The following FRY variants were observed in gnomAD, a reference collection of about 807,000 sequenced individuals.
FRY encodes protein furry homolog.
In FRY, 128 loss-of-function variants were observed where a neutral mutation model predicts 348.4. The ratio of observed to expected loss-of-function variants is 0.37; its 90% CI spans 0.32 to 0.43. The LOEUF (loss-of-function observed/expected upper bound fraction) is 0.43, where lower values mean the gene tolerates loss of function less well. Among genes scored for constraint, FRY ranks in the 20% least tolerant of loss-of-function variants. FRY has a pLI of 1.00. For missense variants in FRY, 2,736 were observed against 3,695.2 expected, an observed-to-expected ratio of 0.74 and a Z score of 6.73; for synonymous variants, 1,370 against 1,374.7, an observed-to-expected ratio of 1.00 and a Z score of 0.08.
chr13:32,202,357 T>A lies in FRY; in HGVS notation c.3848T>A (p.Ile1283Asn). 1.9e-6 allele frequency: 3 copies of A among 1,613,196 alleles called. No homozygotes were observed. The highest frequency in any genetic ancestry group is 2.5e-6 in the Non-Finnish European group (3 of 1,179,104). ...TTTTACTTTCCTACATCTTTATAGA[T>A]CCTTGAAGCAAAGCTTTTTGTATAC... Reference protein sequence around the residue: ...IYEISMQLMQILEAKLFVYSK... With the variant: ...IYEISMQLMQNLEAKLFVYSK... The change falls in exon 31 of 61, where the codon ATC (isoleucine) becomes AAC (asparagine). Residue 1283 changes from isoleucine to asparagine, a missense_variant and splice_region_variant. Around this residue, in one of 9 missense-constraint regions of FRY, gnomAD observed 794 missense variants for 977.0 expected, o/e 0.81. Coordinates refer to ENST00000542859, the MANE Select transcript of FRY (RefSeq NM_023037.3).
intron 31 of FRY, among the ~76,000 whole-genome samples, chr13:32,205,202 C>CAAAAAAAAAAAAAAAAAAAAAAA (rs35930899): frequency 1.3e-5 from 1 of 77,862 alleles, no homozygotes; most frequent in African/African-American, 5.0e-5. Context: ...GACTCTGTCT[C>CAAAAAAAAAAAAAAAAAAAAAAA]AAAAAAAAAA....
chr13:32,085,962 C>T (rs1212890916), intron 2 of FRY: 1 of 518,942 alleles, frequency 1.9e-6, no homozygotes. Flanking sequence ...AGACAACACC[C>T]CCAACGATCT....
intron 1 of FRY, among the ~76,000 whole-genome samples, chr13:32,075,509 A>C (rs1326953152): frequency 6.6e-6 from 1 of 152,168 alleles, no homozygotes; most frequent in Non-Finnish European, 1.5e-5. Context: ...TATCTTATGT[A>C]TAGATTAAGG....
chr13:32,290,207 T>A (rs546912967), intron 59 of FRY, among the ~76,000 whole-genome samples: 89 of 152,244 alleles, frequency 5.8e-4, no homozygotes, highest in African/African-American at 2.1e-3. Context: ...TTTAATATTT[T>A]AAAATATTTA....
chr13:32,098,774 G>A (rs1437499105), intron 2 of FRY, among the ~76,000 whole-genome samples: 1 of 152,046 alleles, frequency 6.6e-6, no homozygotes, highest in Non-Finnish European at 1.5e-5. Context: ...TGAACCCTCA[G>A]TCACTGTTGA....
At chr13:32,145,177 C>A (rs916944411) in intron 11 of FRY, among the ~76,000 whole-genome samples, 1 of 152,150 alleles carries the variant, frequency 6.6e-6, no homozygotes, top group Non-Finnish European at 1.5e-5. Flanking sequence ...ACTGACTAGT[C>A]TTGTATGCCA....
Position 32,239,970 on chromosome 13 carries a change from C to A in FRY, c.6687+89C>A. ...TCTTGGGCTCAAGCAGTCCTCCTGC[C>A]TTCGCCTCCCAGAGTGCTAGGATTA... On this transcript the variant is annotated intron_variant, in intron 46 of 60. Transcript: ENST00000542859. This position sits in a 1 kb window ranked among gnomAD's most constrained non-coding sequence, Gnocchi z 4.3. 9.0e-7 allele frequency: 1 copy of A among 1,106,370 alleles called. No homozygotes were observed. The highest frequency in any genetic ancestry group is 1.3e-6 in the Non-Finnish European group (1 of 750,866). 68.5% of individuals were successfully genotyped at this position (1,106,370 alleles called of 1,614,324 possible).
chr13:32,179,879 C>G, intron 23 of FRY, 80 bp downstream of exon 23: 1 of 1,409,100 alleles, frequency 7.1e-7, no homozygotes, highest in Non-Finnish European at 1.0e-6. Context: ...AGATTTGAGT[C>G]TGTGTGTTGG....
At chr13:32,218,677 CAAA>C (rs10717683) in intron 35 of FRY, 69 bp from the exon 36 acceptor site, 17,180 of 552,980 alleles carry the variant, frequency 0.031, 1 homozygote, top group East Asian at 0.05. Flanking sequence ...GACTCCAACT[CAAA>C]AAAAAAAAAA....
chr13:32,274,706 A>C lies in FRY; in HGVS notation c.8137-136A>C, dbSNP rs1048600938. 109 of 129,114 alleles carry C rather than the reference A, an allele frequency of 8.4e-4. 2 individuals are homozygous for C. The highest frequency in any genetic ancestry group is 2.4e-3 in the African/African-American group (65 of 26,816). The allele number at this position is 129,114 out of a possible 1,614,324, so 8.0% of individuals were successfully genotyped here. A position where few individuals can be genotyped will look rare whatever the true frequency, so the allele number is the denominator to read the frequency against. On this transcript the variant is annotated intron_variant, in intron 55 of 60. Coordinates refer to ENST00000542859, the MANE Select transcript of FRY (RefSeq NM_023037.3). Reference sequence around the variant, plus strand: ...GCGACAGAGCGAGATTCTGTCTCAAAAAAAAAAAAAAAAAAAAAAAAAATC... The same window carrying C: ...GCGACAGAGCGAGATTCTGTCTCAACAAAAAAAAAAAAAAAAAAAAAAATC...
chr13:32,256,114 T>C (rs1341995107), intron 51 of FRY, among the ~76,000 whole-genome samples: 3 of 152,312 alleles, frequency 2.0e-5, no homozygotes. Flanking sequence ...ATAAATATTA[T>C]ACTAATGTTT....
intron 2 of FRY, among the ~76,000 whole-genome samples, chr13:32,096,701 G>A (rs980792086): frequency 6.0e-5 from 9 of 150,954 alleles, no homozygotes; most frequent in African/African-American, 2.2e-4. Flanking sequence ...TGAGGCTGAG[G>A]CTGAGGCAGG....
At chr13:32,268,918 C>A (rs915943051) in intron 55 of FRY, among the ~76,000 whole-genome samples, 3 of 152,126 alleles carry the variant, frequency 2.0e-5, no homozygotes, top group African/African-American at 7.2e-5. Context: ...ACAGAACTCC[C>A]ACGGATAATG....
At position 32,185,070 on chromosome 13, in the gene FRY, G is replaced by C; in HGVS notation, c.3241G>C (p.Asp1081His). 1 of 1,614,024 alleles carries C rather than the reference G, an allele frequency of 6.2e-7. No individual in the cohort carries two copies. The highest frequency in any genetic ancestry group is 8.5e-7 in the Non-Finnish European group (1 of 1,179,888). Residue 1081 changes from aspartate (D) to histidine (H), a missense_variant, in exon 26 of 61, where the codon GAC becomes CAC. Asp to His is a moderately conservative substitution (Grantham distance 81). Transcript: ENST00000542859. ...CCGCATGCTCCTAGAAGCTGAAAATGACAAAGAAGTTGAAATTCTTAAAGA... is the reference window on the plus strand; with the variant it reads ...CCGCATGCTCCTAGAAGCTGAAAATCACAAAGAAGTTGAAATTCTTAAAGA... Reference protein sequence around the residue: ...LTRMLLEAENDKEVEILKDIR... With the variant: ...LTRMLLEAENHKEVEILKDIR...
intron 1 of FRY, 34 bp downstream of exon 1, chr13:32,031,899 G>C (rs750887421): frequency 1.8e-5 from 22 of 1,197,396 alleles, no homozygotes; most frequent in Non-Finnish European, 2.5e-5. Context: ...TTGTTTGTTT[G>C]TTTGCTGGAT....
chr13:32,161,697 C>G (rs17634866), intron 17 of FRY, among the ~76,000 whole-genome samples: 45,694 of 151,784 alleles, frequency 0.3, 7,103 homozygotes, highest in East Asian at 0.55. Flanking sequence ...AAAAAGAGTT[C>G]ATTCGGAGTC....
rs1885149209 is a variant in FRY, at chr13:32,218,806, T to C, written c.4740T>C (p.Ser1580=). 2 of 1,602,044 alleles carry C rather than the reference T, an allele frequency of 1.2e-6. No individual in the cohort carries two copies. Among genetic ancestry groups the C allele is most frequent in the African/African-American group, 2.7e-5 (2 of 74,684 alleles). The change falls in exon 36 of 61, where the codon TCT becomes TCC. Residue 1580 remains serine, a synonymous_variant. Coordinates refer to ENST00000542859, the MANE Select transcript of FRY (RefSeq NM_023037.3). ...TRLESRYSNS[S]GGSYDEDKND... ...TCGAGTCAAGATACAGCAATAGCTC[T>C]GGAGGATCCTACGATGAAGATAAAA...
In FRY at chr13:32,208,892, G is replaced by A. The variant is rs770126165; in HGVS notation, c.4058G>A (p.Arg1353His). 79 of 1,614,036 alleles carry A rather than the reference G, an allele frequency of 4.9e-5. No homozygotes were observed. The Admixed American group carries it at 9.8e-4, about 20-fold the overall frequency. The change falls in exon 32 of 61, where the codon CGC becomes CAC. Residue 1353 changes from arginine to histidine, a missense_variant. By Grantham distance (29) the Arg-to-His change is conservative (BLOSUM62 0). Coordinates refer to ENST00000542859, the MANE Select transcript of FRY (RefSeq NM_023037.3). The part of the protein sequence containing the change: ...QRFPTTHPNG[R>H]QIMLTYLLPW... ...TTCCCCACAACACACCCCAACGGGC[G>A]CCAGATCATGCTTACCTACCTGCTG...
intron 2 of FRY, among the ~76,000 whole-genome samples, chr13:32,086,175 G>A (rs1875850007): frequency 6.6e-6 from 1 of 152,114 alleles, no homozygotes; most frequent in East Asian, 1.9e-4. Flanking sequence ...AATATGAAAG[G>A]CTGGATTACT....
Sources: allele counts gnomAD v4.1 joint callset (sites outside exome capture counted in the v4.1 genomes callset), GRCh38; gene constraint gnomAD v4.1.1; regional missense constraint gnomAD v4.1.1; non-coding constraint Gnocchi (gnomAD v3.1); transcripts MANE v1.5; gene names NCBI Gene and HGNC (gene_info 2026-07-23, HGNC 2026-07-21).